The following FBXO11 variants were observed in gnomAD, a reference collection of about 807,000 sequenced individuals.
FBXO11 encodes the protein F-box protein 11.
FBXO11 carries 13 observed loss-of-function variants against 117.0 expected under a neutral mutation model. The ratio of observed to expected loss-of-function variants is 0.11; its 90% CI spans 0.07 to 0.18. The LOEUF (loss-of-function observed/expected upper bound fraction) is 0.18. Ranked by LOEUF, FBXO11 falls within the 10% of genes least tolerant of loss-of-function variation. The pLI is 1.00. For missense variants in FBXO11, 767 were observed against 1,164.4 expected (o/e 0.66, Z 4.97); for synonymous variants, 490 against 380.5 (o/e 1.29, Z -3.35).
At chr2:47,824,588 A>C (rs1481072821) in intron 11 of FBXO11, among the ~76,000 whole-genome samples, 1 of 152,202 alleles carries the variant, frequency 6.6e-6, no homozygotes, top group Non-Finnish European at 1.5e-5. Context: ...GCTAAATACA[A>C]TGTTTTTGAA....
At chr2:47,838,401 T>C (rs1212041489) in intron 4 of FBXO11, among the ~76,000 whole-genome samples, 1 of 148,292 alleles carries the variant, frequency 6.7e-6, no homozygotes, top group Non-Finnish European at 1.5e-5. Context: ...AATCTGTACA[T>C]AAAGCAAAAA....
intron 1 of FBXO11, among the ~76,000 whole-genome samples, chr2:47,891,450 A>G (rs952779586): frequency 1.3e-5 from 2 of 152,254 alleles, no homozygotes; most frequent in African/African-American, 4.8e-5. Flanking sequence ...TGCACATTGC[A>G]GAATTCCTTA....
chr2:47,874,410 A>G (rs1204312381), intron 1 of FBXO11, among the ~76,000 whole-genome samples: 1 of 152,008 alleles, frequency 6.6e-6, no homozygotes, highest in Non-Finnish European at 1.5e-5. Flanking sequence ...TTTTTAGGTT[A>G]TTTTACAAAT....
intron 1 of FBXO11, among the ~76,000 whole-genome samples, chr2:47,851,714 A>G (rs1673877790): frequency 6.6e-6 from 1 of 152,234 alleles, no homozygotes; most frequent in Non-Finnish European, 1.5e-5. Context: ...ACAGTTTAAA[A>G]GAAAACAATT....
At position 47,810,304 on chromosome 2, in the gene FBXO11, GAA is replaced by G. The variant is rs777078234; in HGVS notation, c.2338+10_2338+11del. On this transcript the variant is annotated intron_variant, in intron 19 of 22. Transcript: ENST00000403359. ...TATATATAAGCCACAGGTAAGAAAA[GAA>G]AATACAAACCTGCGGCAAATCCATC... 39 of 1,557,884 alleles carry G rather than the reference GAA, an allele frequency of 2.5e-5. 1 individual carries two copies. The Middle Eastern group carries it at 1.6e-3, about 62-fold the overall frequency.
chr2:47,813,969 T>A, intron 16 of FBXO11, 102 bp from the exon 17 acceptor site: 1 of 883,352 alleles, frequency 1.1e-6, no homozygotes, highest in Non-Finnish European at 1.8e-6. Context: ...AGTCACTTAG[T>A]AAGAATTAAC....
chr2:47,852,994 A>G (rs1360529713), intron 1 of FBXO11, among the ~76,000 whole-genome samples: 1 of 152,208 alleles, frequency 6.6e-6, no homozygotes, highest in Non-Finnish European at 1.5e-5. Flanking sequence ...AATATTGGAT[A>G]TATTTATTAG....
In FBXO11 at chr2:47,813,948, A is replaced by G. The variant is rs968590443; in HGVS notation, c.2007-81T>C. On this transcript the variant is annotated intron_variant, in intron 16 of 22. Coordinates refer to ENST00000403359, the MANE Select transcript of FBXO11 (RefSeq NM_001190274.2). ...ATGTTACGTGAGGTAAACAGTGGAG[A>G]AATCCACATAAGTCACTTAGTAAGA... 4.9e-6 allele frequency: 5 copies of G among 1,022,436 alleles called. No individual in the cohort carries two copies. The African/African-American group carries it at 8.0e-5, about 16-fold the overall frequency. The allele number at this position is 1,022,436 out of a possible 1,614,324, so 63.3% of individuals were successfully genotyped here. A position where few individuals can be genotyped will look rare whatever the true frequency, so the allele number is the denominator to read the frequency against.
intron 1 of FBXO11, among the ~76,000 whole-genome samples, chr2:47,850,695 T>C (rs1230204400): frequency 3.9e-5 from 6 of 152,186 alleles, no homozygotes; most frequent in Non-Finnish European, 7.4e-5. Context: ...TAACTTTAGT[T>C]TGATTAAAAG....
intron 1 of FBXO11, among the ~76,000 whole-genome samples, chr2:47,896,023 C>T (rs897174715): frequency 6.6e-6 from 1 of 152,236 alleles, no homozygotes; most frequent in East Asian, 1.9e-4. Flanking sequence ...ATGTATATAG[C>T]CCATTTATAT....
intron 11 of FBXO11, among the ~76,000 whole-genome samples, chr2:47,827,293 G>A (rs769075699): frequency 5.3e-5 from 8 of 152,048 alleles, no homozygotes; most frequent in Non-Finnish European, 8.8e-5. Context: ...ATGTAATTTT[G>A]CTTCAAGATT....
intron 5 of FBXO11, 100 bp from the exon 6 acceptor site, chr2:47,834,971 A>C: frequency 1.2e-6 from 1 of 808,986 alleles, no homozygotes; most frequent in Admixed American, 2.8e-5. Context: ...ACAAATCAAA[A>C]ATAATTCTCA....
rs565767530 is a variant in FBXO11 at position 47,883,504 on chromosome 2, T to A, written c.232+21985A>T. The stretch of plus-strand genomic sequence containing the variant: ...ATGGGGAAGACCATCACCCTCCAGA[T>A]TGAACCCTTGGATACAACAGAAAAT... On this transcript the variant is annotated intron_variant, in intron 1 of 22. Coordinates refer to ENST00000403359, the MANE Select transcript of FBXO11 (RefSeq NM_001190274.2). 43 of 409,542 alleles carry A rather than the reference T, an allele frequency of 1.0e-4. 1 individual carries two copies. Among genetic ancestry groups the A allele is most frequent in the South Asian group, 6.0e-4 (31 of 51,610 alleles). 25.4% of individuals were successfully genotyped at this position (409,542 alleles called of 1,614,324 possible). A position where few individuals can be genotyped will look rare whatever the true frequency, so the allele number is the denominator to read the frequency against.
intron 1 of FBXO11, among the ~76,000 whole-genome samples, chr2:47,896,197 T>C (rs1161861596): frequency 6.6e-6 from 1 of 152,026 alleles, no homozygotes; most frequent in Non-Finnish European, 1.5e-5. Context: ...CAGAAAAAGA[T>C]CAGGAAAAGA....
chr2:47,843,702 AC>A (rs1673187489), intron 1 of FBXO11, among the ~76,000 whole-genome samples: 1 of 151,638 alleles, frequency 6.6e-6, no homozygotes, highest in African/African-American at 2.4e-5. Context: ...TCAATTTCTT[AC>A]TTTTATGGAT....
chr2:47,845,766 G>C (rs2104912432), intron 1 of FBXO11, among the ~76,000 whole-genome samples: 1 of 152,070 alleles, frequency 6.6e-6, no homozygotes, highest in Non-Finnish European at 1.5e-5. Context: ...TGTTTAGCTT[G>C]GTGCCCAATC....
chr2:47,820,589 T>C (rs1671309799), intron 13 of FBXO11, 133 bp from the exon 14 acceptor site: 2 of 645,930 alleles, frequency 3.1e-6, no homozygotes, highest in Non-Finnish European at 5.4e-6. Context: ...TTAAGAGAAC[T>C]AGAAGTGTAA....
intron 1 of FBXO11, among the ~76,000 whole-genome samples, chr2:47,866,303 A>C (rs1223440924): frequency 6.6e-6 from 1 of 151,878 alleles, no homozygotes; most frequent in African/African-American, 2.4e-5. Context: ...CAAAACCCAA[A>C]AATAACGTGG....
chr2:47,888,692 A>T, intron 1 of FBXO11: 2 of 982,346 alleles, frequency 2.0e-6, no homozygotes, highest in Non-Finnish European at 2.4e-6. Context: ...CAGCCATTGC[A>T]ATGTTTTACA....
Sources: gnomAD v4.1 joint callset for allele counts (sites outside exome capture counted in the v4.1 genomes callset) on GRCh38, gnomAD v4.1.1 for gene constraint, MANE v1.5 for transcripts, NCBI Gene and HGNC (gene_info 2026-07-23, HGNC 2026-07-21) for gene names.